The following GFOD2 variants were observed in gnomAD, a reference collection of about 807,000 sequenced individuals.
The protein encoded by GFOD2 is glucose-fructose oxidoreductase domain-containing protein 2.
Under a neutral mutation model 24.6 loss-of-function variants are expected in GFOD2, and 9 were observed. The observed-to-expected ratio is 0.37, with a 90% CI of 0.22 to 0.64. The LOEUF (loss-of-function observed/expected upper bound fraction) is 0.64, where lower values mean the gene tolerates loss of function less well. Among genes scored for constraint, GFOD2 ranks in the 30% least tolerant of loss-of-function variants. The probability of loss-of-function intolerance (pLI) is 0.65; values close to 1 mark genes in which losing one functional copy is unlikely to be tolerated. For missense variants in GFOD2, 476 were observed against 532.5 expected (o/e 0.89, Z 1.04); for synonymous variants, 211 against 224.8 (o/e 0.94, Z 0.55).
At chr16:67,695,880 A>T (rs532893809) in intron 1 of GFOD2, among the ~76,000 whole-genome samples, 1 of 152,214 alleles carries the variant, frequency 6.6e-6, no homozygotes, top group African/African-American at 2.4e-5. Context: ...GGGCTAAGGG[A>T]GTGAGACACA....
chr16:67,680,320 G>A (rs1010311255), intron 2 of GFOD2: 2 of 152,260 alleles, frequency 1.3e-5, no homozygotes, highest in Admixed American at 6.5e-5. Flanking sequence ...AGAATCACTT[G>A]AGTCCAGGAG....
At chr16:67,681,567 C>T in intron 2 of GFOD2, 1 of 505,108 alleles carries the variant, frequency 2.0e-6, no homozygotes, top group Non-Finnish European at 2.6e-6. Context: ...CGCCACTGTG[C>T]CCAGCTAATT....
intron 1 of GFOD2, among the ~76,000 whole-genome samples, chr16:67,717,180 G>A (rs2053513176): frequency 6.6e-6 from 1 of 152,178 alleles, no homozygotes; most frequent in Non-Finnish European, 1.5e-5. Flanking sequence ...ACAGGCATGA[G>A]CTACTGCGCC....
intron 1 of GFOD2, among the ~76,000 whole-genome samples, chr16:67,716,468 C>A (rs562441322): frequency 6.6e-6 from 1 of 152,316 alleles, no homozygotes; most frequent in Non-Finnish European, 1.5e-5. Context: ...AAAACTCACA[C>A]AAATCCACAG....
Position 67,707,981 on chromosome 16 carries a change from C to T in GFOD2, c.-88+11182G>A, listed in dbSNP as rs183275360. Among the ~76,000 whole-genome samples, 6 of 152,018 alleles carry T rather than the reference C, an allele frequency of 3.9e-5. No individual in the cohort carries two copies. In the East Asian group the frequency reaches 9.6e-4, roughly 24 times the overall value. ...ATTTATAGCAACACTAGTCAGAAGG[C>T]GGCAGTGGCGGTGGTGGCTGAGGCG... On this transcript the variant is annotated intron_variant, in intron 1 of 2. Coordinates refer to ENST00000268797, the MANE Select transcript of GFOD2 (RefSeq NM_030819.4).
rs1004704319 is a variant in GFOD2, at chr16:67,674,608, G to A, written c.*547C>T. ...CCCTTGCCTCCTCTCTGCCAAACCA[G>A]GGCCCTCTGTCCTACTTCAAAAGCC... On this transcript the variant is annotated 3_prime_UTR_variant, in exon 3 of 3. Transcript: ENST00000268797. The A allele has an allele frequency of 2.0e-5, 3 of 152,844 alleles. No individual in the cohort carries two copies. The highest frequency in any genetic ancestry group is 7.2e-5 in the African/African-American group (3 of 41,454). 9.5% of individuals were successfully genotyped at this position (152,844 alleles called of 1,614,324 possible). A position where few individuals can be genotyped will look rare whatever the true frequency, so the allele number is the denominator to read the frequency against.
At chr16:67,677,893 T>C (rs369070988) in intron 2 of GFOD2, 4 of 152,230 alleles carry the variant, frequency 2.6e-5, no homozygotes, top group African/African-American at 9.6e-5. Context: ...TGGATGCCTG[T>C]GACCTGGGGC....
intron 1 of GFOD2, among the ~76,000 whole-genome samples, chr16:67,701,400 C>T (rs896940477): frequency 3.9e-5 from 6 of 152,134 alleles, no homozygotes; most frequent in Non-Finnish European, 7.4e-5. Context: ...AGTATATCAA[C>T]GCCAATGGAT....
intron 1 of GFOD2, among the ~76,000 whole-genome samples, chr16:67,691,413 A>T (rs2053312016): frequency 6.6e-6 from 1 of 150,820 alleles, no homozygotes; most frequent in Non-Finnish European, 1.5e-5. Flanking sequence ...TCACTATGTC[A>T]CCCAGGCTGG....
At chr16:67,686,911 C>T (rs111471566) in intron 1 of GFOD2, among the ~76,000 whole-genome samples, 2 of 151,766 alleles carry the variant, frequency 1.3e-5, no homozygotes, top group Non-Finnish European at 2.9e-5. Flanking sequence ...CTTTGGGAGG[C>T]TGACGTGGGT....
At chr16:67,688,378 T>A (rs1053765363) in intron 1 of GFOD2, among the ~76,000 whole-genome samples, 15 of 152,332 alleles carry the variant, frequency 9.8e-5, no homozygotes, top group East Asian at 9.6e-4. Flanking sequence ...TCTTTTCAAT[T>A]TTTGAACTTT....
chr16:67,696,041 G>A (rs1161970947), intron 1 of GFOD2, among the ~76,000 whole-genome samples: 12 of 147,962 alleles, frequency 8.1e-5, no homozygotes, highest in East Asian at 2.0e-4. Flanking sequence ...ATCGAGTTTC[G>A]CTCTTTTTGC....
chr16:67,690,841 AC>A (rs1327479403), intron 1 of GFOD2, among the ~76,000 whole-genome samples: 1 of 152,098 alleles, frequency 6.6e-6, no homozygotes, highest in Non-Finnish European at 1.5e-5. Context: ...TAAACACCAT[AC>A]GGTCCCTTTG....
Position 67,685,809 on chromosome 16 carries a change from T to C in GFOD2, c.-87-7A>G. On this transcript the variant is annotated splice_region_variant and splice_polypyrimidine_tract_variant and intron_variant, in intron 1 of 2. Transcript: ENST00000268797. ...TCCTGGTCAGACATGGCTCCTAGAATAGCAAACATTACACTGGTTATTACT... is the reference window on the plus strand; with the variant it reads ...TCCTGGTCAGACATGGCTCCTAGAACAGCAAACATTACACTGGTTATTACT... 1 of 1,413,524 alleles carries C rather than the reference T, an allele frequency of 7.1e-7. No homozygotes were observed. Among genetic ancestry groups the C allele is most frequent in the Non-Finnish European group, 9.6e-7 (1 of 1,042,112 alleles). The allele number at this position is 1,413,524 out of a possible 1,614,324, so 87.6% of individuals were successfully genotyped here. A position where few individuals can be genotyped will look rare whatever the true frequency, so the allele number is the denominator to read the frequency against.
chr16:67,710,202 T>C (rs1312135981), intron 1 of GFOD2, among the ~76,000 whole-genome samples: 3 of 152,032 alleles, frequency 2.0e-5, no homozygotes, highest in African/African-American at 7.3e-5. Flanking sequence ...CATAGCTTAC[T>C]GTAGCCTCGA....
intron 1 of GFOD2, among the ~76,000 whole-genome samples, chr16:67,688,238 AT>A (rs1463300003): frequency 1.3e-5 from 2 of 152,230 alleles, no homozygotes; most frequent in African/African-American, 4.8e-5. Flanking sequence ...TATAATAGGT[AT>A]GAGTATATAT....
intron 1 of GFOD2, among the ~76,000 whole-genome samples, chr16:67,694,632 G>GC (rs1355464155): frequency 6.6e-6 from 1 of 152,062 alleles, no homozygotes; most frequent in Non-Finnish European, 1.5e-5. Context: ...TTCAAGCCCA[G>GC]CATCTCTTTT....
At chr16:67,717,582 G>A (rs1018898753) in intron 1 of GFOD2, among the ~76,000 whole-genome samples, 9 of 152,140 alleles carry the variant, frequency 5.9e-5, no homozygotes, top group African/African-American at 2.2e-4. Flanking sequence ...TCTGAGGTCA[G>A]GAGTTCAAGA....
chr16:67,712,424 T>G (rs1470093805), intron 1 of GFOD2, among the ~76,000 whole-genome samples: 1 of 142,170 alleles, frequency 7.0e-6, no homozygotes, highest in Non-Finnish European at 1.5e-5. Context: ...TGCCTGCGAT[T>G]GCAGGCGCGC....
Sources: allele counts gnomAD v4.1 joint callset (sites outside exome capture counted in the v4.1 genomes callset), GRCh38; gene constraint gnomAD v4.1.1; transcripts MANE v1.5; gene names NCBI Gene and HGNC (gene_info 2026-07-23, HGNC 2026-07-21).